The following VSTM2B variants were observed in gnomAD, a reference collection of about 807,000 sequenced individuals.
VSTM2B encodes V-set and transmembrane domain containing 2B.
A neutral mutation model predicts 24.0 loss-of-function variants in VSTM2B; 24 were observed. The ratio of observed to expected loss-of-function variants is 1.00; its 90% CI spans 0.72 to 1.40. VSTM2B has a LOEUF of 1.40. Among genes scored for constraint, VSTM2B ranks in the 40% most tolerant of loss-of-function variants. The probability of loss-of-function intolerance (pLI) is 0.00; values close to 1 mark genes in which losing one functional copy is unlikely to be tolerated. For missense variants in VSTM2B, 399 were observed against 416.4 expected (o/e 0.96, Z 0.36); for synonymous variants, 226 against 194.4 (o/e 1.16, Z -1.35).
chr19:29,535,683 G>C (rs1369557018), intron 4 of VSTM2B, among the ~76,000 whole-genome samples: 1 of 152,220 alleles, frequency 6.6e-6, no homozygotes, highest in Non-Finnish European at 1.5e-5. Context: ...GCAAGGTGGA[G>C]ACAGTCACTA....
At chr19:29,532,935 A>G (rs1277492584) in intron 4 of VSTM2B, among the ~76,000 whole-genome samples, 1 of 152,178 alleles carries the variant, frequency 6.6e-6, no homozygotes, top group Admixed American at 6.5e-5. Flanking sequence ...GACCAAGGTC[A>G]TGAGCGCACT....
chr19:29,534,296 C>A (rs1022338608), intron 4 of VSTM2B, among the ~76,000 whole-genome samples: 1 of 152,198 alleles, frequency 6.6e-6, no homozygotes, highest in African/African-American at 2.4e-5. Flanking sequence ...CTGTCTGGGC[C>A]TCCCTTTGGC....
At chr19:29,543,395 G>A (rs16959789) in intron 4 of VSTM2B, among the ~76,000 whole-genome samples, 3,339 of 152,314 alleles carry the variant, frequency 0.022, 128 homozygotes, top group African/African-American at 0.076. Flanking sequence ...TGGTTAAATT[G>A]TGTTTCTAAA....
In VSTM2B at chr19:29,564,498, A is replaced by C. The variant is rs1161791665; in HGVS notation, c.*564A>C. The C allele has an allele frequency of 6.6e-6, 1 of 152,510 alleles. No homozygotes were observed. Among genetic ancestry groups the C allele is most frequent in the African/African-American group, 2.4e-5 (1 of 41,462 alleles). 9.4% of individuals were successfully genotyped at this position (152,510 alleles called of 1,614,324 possible). The stretch of plus-strand genomic sequence containing the variant: ...AAACAAGGTCAGACACTTGTTTATA[A>C]ACTGTATTGTATATTGCTGAAGAAC... On this transcript the variant is annotated 3_prime_UTR_variant, in exon 5 of 5. Transcript: ENST00000335523.
At chr19:29,548,928 G>T (rs1272122333) in intron 4 of VSTM2B, among the ~76,000 whole-genome samples, 1 of 152,222 alleles carries the variant, frequency 6.6e-6, no homozygotes, top group Non-Finnish European at 1.5e-5. Flanking sequence ...GGAGGCTGGG[G>T]CAGGACTGGC....
intron 4 of VSTM2B, among the ~76,000 whole-genome samples, chr19:29,538,673 G>A (rs1347444617): frequency 6.6e-6 from 1 of 152,208 alleles, no homozygotes; most frequent in Non-Finnish European, 1.5e-5. Context: ...TTCTGGTGAG[G>A]CTTCAAGGAG....
intron 4 of VSTM2B, among the ~76,000 whole-genome samples, chr19:29,534,348 G>T (rs1161793477): frequency 6.6e-6 from 1 of 152,212 alleles, no homozygotes; most frequent in Non-Finnish European, 1.5e-5. Context: ...CCCAGGTGGT[G>T]CAGGCTGTAG....
intron 4 of VSTM2B, among the ~76,000 whole-genome samples, chr19:29,542,553 T>A (rs1970047668): frequency 6.6e-6 from 1 of 150,830 alleles, no homozygotes; most frequent in Non-Finnish European, 1.5e-5. Flanking sequence ...GGATGATGAG[T>A]GGATGGATAG....
intron 4 of VSTM2B, among the ~76,000 whole-genome samples, chr19:29,562,807 G>T (rs1970564254): frequency 6.6e-6 from 1 of 152,126 alleles, no homozygotes; most frequent in African/African-American, 2.4e-5. Flanking sequence ...GGACCGACGG[G>T]GAGCCAGGCG....
rs559021582 is a variant in VSTM2B, at chr19:29,526,107, C to T, written c.-477C>T. Among the ~76,000 whole-genome samples the T allele has an allele frequency of 1.3e-5, 2 of 151,894 alleles. No individual in the cohort carries two copies. The highest frequency in any genetic ancestry group is 3.9e-4 in the East Asian group (2 of 5,102). On this transcript the variant is annotated 5_prime_UTR_variant, in exon 1 of 5. Coordinates refer to ENST00000335523, the MANE Select transcript of VSTM2B (RefSeq NM_001146339.2). The surrounding 1 kb of genome is among the most constrained non-coding windows in gnomAD (Gnocchi z 4.1). ...GCGCCCACTCGCCCTGCGGAAAGAGCCGCGGAGGAACCGGCGGGGGCGGCT... is the reference window on the plus strand; with the variant it reads ...GCGCCCACTCGCCCTGCGGAAAGAGTCGCGGAGGAACCGGCGGGGGCGGCT...
chr19:29,563,927 G>A lies in VSTM2B; in HGVS notation c.851G>A (p.Gly284Glu), dbSNP rs909870985. 6.4e-7 allele frequency: 1 copy of A among 1,552,298 alleles called. No individual in the cohort carries two copies. The highest frequency in any genetic ancestry group is 1.2e-5 in the South Asian group (1 of 84,062). ...CATAAGTTCCTGCGCCTGCTCTTGG[G>A]ACATTGACAGACAAGACCAACCCGA... ...ALHKFLRLLLGH is the reference protein window; with the variant it reads ...ALHKFLRLLLEH Residue 284 changes from glycine (G) to glutamate (E), a missense_variant, in exon 5 of 5, where the codon GGA (glycine) becomes GAA (glutamate). By Grantham distance (98) the Gly-to-Glu change is moderately conservative. Transcript: ENST00000335523.
chr19:29,548,354 G>A (rs565372030), intron 4 of VSTM2B, among the ~76,000 whole-genome samples: 3 of 152,238 alleles, frequency 2.0e-5, no homozygotes, highest in Non-Finnish European at 2.9e-5. Context: ...TCAAAGGTCC[G>A]CACCCCACAC....
chr19:29,556,197 C>T (rs926071672), intron 4 of VSTM2B, among the ~76,000 whole-genome samples: 2 of 152,068 alleles, frequency 1.3e-5, no homozygotes, highest in Non-Finnish European at 2.9e-5. Flanking sequence ...TCTAGAGGCA[C>T]ATCAAAAAGC....
In VSTM2B at chr19:29,530,269, C is replaced by G; in HGVS notation, c.748C>G (p.Leu250Val). The G allele has an allele frequency of 6.7e-7, 1 of 1,502,566 alleles. No homozygotes were observed. Among genetic ancestry groups the G allele is most frequent in the Non-Finnish European group, 8.8e-7 (1 of 1,133,076 alleles). The allele number at this position is 1,502,566 out of a possible 1,614,324, so 93.1% of individuals were successfully genotyped here. ...GCCGCCATCGGGACAGGCGGTCCTG[C>G]TGCGCCAGAGGCACGGCTCGGGTAA... is the stretch of plus-strand genomic sequence containing the variant. ...ASPPSGQAVL[L>V]RQRHGSGTGR... Residue 250 changes from leucine to valine, a missense_variant, in exon 4 of 5, where the codon CTG (leucine) becomes GTG (valine). Physicochemically the swap from Leu to Val is conservative, Grantham distance 32. Coordinates refer to ENST00000335523, the MANE Select transcript of VSTM2B (RefSeq NM_001146339.2).
intron 4 of VSTM2B, among the ~76,000 whole-genome samples, chr19:29,554,818 G>A (rs1372823099): frequency 6.6e-6 from 1 of 152,074 alleles, no homozygotes; most frequent in Non-Finnish European, 1.5e-5. Flanking sequence ...AAAAGACAAA[G>A]GGCATTACAT....
chr19:29,526,727 G>C lies in VSTM2B; in HGVS notation c.82+62G>C. ...GGGGGTCTTTGCTGGGGCCGCCACC[G>C]AGAAGAAGAAGAAAGAGAACGAACC... On this transcript the variant is annotated intron_variant, in intron 1 of 4. Transcript: ENST00000335523. The surrounding 1 kb of genome is among the most constrained non-coding windows in gnomAD (Gnocchi z 4.1). 1 of 1,415,470 alleles carries C rather than the reference G, an allele frequency of 7.1e-7. No individual in the cohort carries two copies. Among genetic ancestry groups the C allele is most frequent in the Non-Finnish European group, 9.5e-7 (1 of 1,047,828 alleles). The allele number at this position is 1,415,470 out of a possible 1,614,324, so 87.7% of individuals were successfully genotyped here. A position where few individuals can be genotyped will look rare whatever the true frequency, so the allele number is the denominator to read the frequency against.
rs143183502 is a variant in VSTM2B at position 29,551,490 on chromosome 19, G to A, written c.770-12356G>A. The stretch of plus-strand genomic sequence containing the variant: ...GGGGCAGGGGGAAGTAGAGATGCCC[G>A]TTGTGTTCTTTGAGGGTCTCTTTCA... On this transcript the variant is annotated intron_variant, in intron 4 of 4. Coordinates refer to ENST00000335523, the MANE Select transcript of VSTM2B (RefSeq NM_001146339.2). Among the ~76,000 whole-genome samples the A allele has an allele frequency of 5.1e-3, 776 of 152,162 alleles. 4 individuals carry two copies. Among genetic ancestry groups the A allele is most frequent in the African/African-American group, 0.018 (729 of 41,508 alleles).
Position 29,526,146 on chromosome 19 carries a change from G to A in VSTM2B, c.-438G>A, listed in dbSNP as rs1405036512. 6.6e-6 allele frequency among the ~76,000 whole-genome samples: 1 copy of A among 152,088 alleles called. No homozygotes were observed. Among genetic ancestry groups the A allele is most frequent in the Admixed American group, 6.5e-5 (1 of 15,284 alleles). The stretch of plus-strand genomic sequence containing the variant: ...GCGGGGGCGGCTGCGGGAGCCGAAG[G>A]AGGTGGCAATCGGGAGCAGAACCAG... On this transcript the variant is annotated 5_prime_UTR_variant, in exon 1 of 5. Coordinates refer to ENST00000335523, the MANE Select transcript of VSTM2B (RefSeq NM_001146339.2). The surrounding 1 kb of genome is among the most constrained non-coding windows in gnomAD (Gnocchi z 4.1).
At chr19:29,538,605 G>T (rs114230619) in intron 4 of VSTM2B, among the ~76,000 whole-genome samples, 3,289 of 152,244 alleles carry the variant, frequency 0.022, 132 homozygotes, top group African/African-American at 0.075. Flanking sequence ...GAGAAAAGAG[G>T]TTTATTTGGC....
Sources: allele counts gnomAD v4.1 joint callset (sites outside exome capture counted in the v4.1 genomes callset), GRCh38; gene constraint gnomAD v4.1.1; non-coding constraint Gnocchi (gnomAD v3.1); transcripts MANE v1.5; gene names NCBI Gene and HGNC (gene_info 2026-07-23, HGNC 2026-07-21).